Variants in PCDHGA1 observed in about 807,000 individuals in gnomAD.
The protein encoded by PCDHGA1 is protocadherin gamma subfamily A, 1.
A neutral mutation model predicts 58.0 loss-of-function variants in PCDHGA1; 32 were observed. That is an observed-to-expected ratio of 0.55 (90% CI 0.42 to 0.74). The LOEUF (loss-of-function observed/expected upper bound fraction) is 0.74. Among genes scored for constraint, PCDHGA1 ranks in the 30% least tolerant of loss-of-function variants. The pLI is 0.00. For missense variants in PCDHGA1, 1,205 were observed against 1,182.3 expected, an observed-to-expected ratio of 1.02 and a Z score of -0.28; for synonymous variants, 498 against 501.1, an observed-to-expected ratio of 0.99 and a Z score of 0.08.
chr5:141,409,345 A>T lies in PCDHGA1; in HGVS notation c.2421+76240A>T, dbSNP rs1012428329. 4 of 1,613,902 alleles carry T rather than the reference A, an allele frequency of 2.5e-6. No individual in the cohort carries two copies. In the African/African-American group the frequency reaches 5.3e-5, roughly 22 times the overall value. ...ATCTGGATTTCGGAGGAAATGGAGAAGTCAGGTGTAATATAGAAACAGACA... is the reference window on the plus strand; with the variant it reads ...ATCTGGATTTCGGAGGAAATGGAGATGTCAGGTGTAATATAGAAACAGACA... On this transcript the variant is annotated intron_variant, in intron 1 of 3. Transcript: ENST00000517417.
intron 1 of PCDHGA1, chr5:141,421,623 C>T: frequency 6.2e-7 from 1 of 1,613,810 alleles, no homozygotes. Flanking sequence ...ATAACGCCCC[C>T]AGCTTCCAGG....
chr5:141,415,744 T>TTTTTG, intron 1 of PCDHGA1: 1 of 404,416 alleles, frequency 2.5e-6, no homozygotes, highest in Non-Finnish European at 3.0e-6. Context: ...ATTAAGGTTT[T>TTTTTG]TTTTTTTTTT....
At chr5:141,350,468 G>A (rs756415779) in intron 1 of PCDHGA1, 1 of 1,614,024 alleles carries the variant, frequency 6.2e-7, no homozygotes, top group Non-Finnish European at 8.5e-7. Context: ...TAGTGCAGAG[G>A]ATTATTTCAA....
intron 1 of PCDHGA1, among the ~76,000 whole-genome samples, chr5:141,492,394 G>C (rs2099740158): frequency 6.6e-6 from 1 of 152,220 alleles, no homozygotes; most frequent in African/African-American, 2.4e-5. Context: ...CGGTCCACTC[G>C]CAGCTCCCCT....
At chr5:141,357,334 C>T (rs373146854) in intron 1 of PCDHGA1, 1 of 1,614,118 alleles carries the variant, frequency 6.2e-7, no homozygotes, top group South Asian at 1.1e-5. Flanking sequence ...CACGGTGCTG[C>T]TAGCACTCAA....
intron 1 of PCDHGA1, among the ~76,000 whole-genome samples, chr5:141,347,044 TC>T (rs1561493112): frequency 1.1e-4 from 17 of 150,478 alleles, no homozygotes; most frequent in Admixed American, 1.1e-3. Context: ...CCTTCCTCTC[TC>T]TCTTTCCTCC....
chr5:141,399,309 C>CA (rs1033550021), intron 1 of PCDHGA1: 6 of 1,613,784 alleles, frequency 3.7e-6, no homozygotes, highest in African/African-American at 1.3e-5. Context: ...TCTCTTCATC[C>CA]AAAAATTCGT....
chr5:141,345,026 C>T lies in PCDHGA1; in HGVS notation c.2421+11921C>T, dbSNP rs368099113. The T allele has an allele frequency of 2.1e-5, 34 of 1,613,744 alleles. No homozygotes were observed. In the African/African-American group the frequency reaches 4.1e-4, roughly 20 times the overall value. On this transcript the variant is annotated intron_variant, in intron 1 of 3. Transcript: ENST00000517417. ...ATGGACCAGGTCTTCTTTCAAGAGC[C>T]AAGATTCTAGTCACGGTTCTGGATG...
chr5:141,367,537 A>AAAGTAAATAAAT (rs373624904), intron 1 of PCDHGA1: 1 of 147,434 alleles, frequency 6.8e-6, no homozygotes, highest in African/African-American at 2.5e-5. Flanking sequence ...ACTCCGTCTC[A>AAAGTAAATAAAT]AAATAAATAA....
At chr5:141,408,410 G>C (rs1329403051) in intron 1 of PCDHGA1, 1 of 1,613,932 alleles carries the variant, frequency 6.2e-7, no homozygotes, top group African/African-American at 1.3e-5. Flanking sequence ...GCGAGTGAGC[G>C]CGGAGAAGCT....
At chr5:141,464,976 A>G (rs2154568682) in intron 1 of PCDHGA1, among the ~76,000 whole-genome samples, 1 of 152,214 alleles carries the variant, frequency 6.6e-6, no homozygotes, top group East Asian at 1.9e-4. Flanking sequence ...TACTGGCTTC[A>G]AGTGATCCTC....
At chr5:141,394,482 G>A in intron 1 of PCDHGA1, 1 of 1,614,240 alleles carries the variant, frequency 6.2e-7, no homozygotes, top group Non-Finnish European at 8.5e-7. Context: ...GGACCAGAAT[G>A]ACAACGCGCC....
At chr5:141,403,891 A>T (rs779525294) in intron 1 of PCDHGA1, 17 of 1,613,752 alleles carry the variant, frequency 1.1e-5, no homozygotes, top group Admixed American at 1.0e-4. Flanking sequence ...AAGAATGTTC[A>T]TTTTATGAAA....
Position 141,485,048 on chromosome 5 carries a change from C to T in PCDHGA1, c.2422-9759C>T. ...AAACGGCGCGTAACCCTTGCGGCGC[C>T]GGCCGAACCGCGCCAGAGCTGGCGC... On this transcript the variant is annotated intron_variant, in intron 1 of 3. Transcript: ENST00000517417. The surrounding 1 kb of genome is among the most constrained non-coding windows in gnomAD (Gnocchi z 5.7). 1 of 770,392 alleles carries T rather than the reference C, an allele frequency of 1.3e-6. No individual in the cohort carries two copies. Among genetic ancestry groups the T allele is most frequent in the South Asian group, 1.7e-5 (1 of 58,120 alleles). 47.7% of individuals were successfully genotyped at this position (770,392 alleles called of 1,614,324 possible). A position where few individuals can be genotyped will look rare whatever the true frequency, so the allele number is the denominator to read the frequency against.
intron 1 of PCDHGA1, among the ~76,000 whole-genome samples, chr5:141,468,193 C>T (rs2099159672): frequency 6.6e-6 from 1 of 151,600 alleles, no homozygotes; most frequent in Non-Finnish European, 1.5e-5. Flanking sequence ...GGCATGGTGG[C>T]GGGTGCCTGT....
At chr5:141,410,523 A>G (rs2095403267) in intron 1 of PCDHGA1, 3 of 1,613,800 alleles carry the variant, frequency 1.9e-6, no homozygotes, top group South Asian at 2.2e-5. Flanking sequence ...GTGCCCCTAC[A>G]TTCCAATGAA....
In PCDHGA1 at chr5:141,380,448, A is replaced by G. The variant is rs145941690; in HGVS notation, c.2421+47343A>G. Among the ~76,000 whole-genome samples, 6 of 152,354 alleles carry G rather than the reference A, an allele frequency of 3.9e-5. No homozygotes were observed. The East Asian group carries it at 1.2e-3, about 29-fold the overall frequency. ...TAGACTTTACATAGAATTCTTTTTA[A>G]TGCAACCAAACAAATGGTCAGGATT... On this transcript the variant is annotated intron_variant, in intron 1 of 3. Coordinates refer to ENST00000517417, the MANE Select transcript of PCDHGA1 (RefSeq NM_018912.3).
At chr5:141,438,627 TATATATATAC>T (rs572501359) in intron 1 of PCDHGA1, among the ~76,000 whole-genome samples, 778 of 47,938 alleles carry the variant, frequency 0.016, 4 homozygotes, top group East Asian at 0.059. Context: ...TATATATATA[TATATATATAC>T]ACACACACAC....
intron 1 of PCDHGA1, chr5:141,404,332 C>T (rs1257075931): frequency 6.2e-7 from 1 of 1,613,916 alleles, no homozygotes; most frequent in East Asian, 2.2e-5. Context: ...ACTCAGTCTA[C>T]CTCCCGGAAA....
Sources: gnomAD v4.1 joint callset for allele counts (sites outside exome capture counted in the v4.1 genomes callset) on GRCh38, gnomAD v4.1.1 for gene constraint, Gnocchi (gnomAD v3.1) non-coding constraint, MANE v1.5 for transcripts, NCBI Gene and HGNC (gene_info 2026-07-23, HGNC 2026-07-21) for gene names.